The following DACH2 variants were observed in gnomAD, a reference collection of about 807,000 sequenced individuals.
DACH2 encodes dachshund family transcription factor 2.
Under a neutral mutation model 35.8 loss-of-function variants are expected in DACH2, and 17 were observed. That is an observed-to-expected ratio of 0.48 (90% confidence interval 0.33 to 0.71). DACH2 has a LOEUF of 0.71. DACH2 is among the 30% of genes least tolerant of loss of function. The probability of loss-of-function intolerance (pLI) is 0.02; values close to 1 mark genes in which losing one functional copy is unlikely to be tolerated. For synonymous variants in DACH2, 195 were observed against 177.3 expected (o/e 1.10, Z -0.79); for missense variants, 469 against 472.7 (o/e 0.99, Z 0.07).
intron 7 of DACH2, among the ~76,000 whole-genome samples, chrX:86,794,296 T>C (rs1350176198): frequency 2.7e-5 from 3 of 110,671 alleles, no homozygotes; most frequent in East Asian, 2.9e-4. Flanking sequence ...AATGGGAATG[T>C]CAGTATTATT....
chrX:86,385,555 A>T (rs1208192362), intron 2 of DACH2, among the ~76,000 whole-genome samples: 1 of 112,048 alleles, frequency 8.9e-6, no homozygotes, highest in East Asian at 2.8e-4. Flanking sequence ...GAATTAGAGC[A>T]TATAGAAGGA....
chrX:86,729,261 G>A (rs1371865766), intron 6 of DACH2, among the ~76,000 whole-genome samples: 2 of 112,224 alleles, frequency 1.8e-5, no homozygotes, highest in Admixed American at 9.4e-5. Context: ...CTGCCCTGCA[G>A]GGTTTTGAAC....
At chrX:86,367,892 A>G (rs1166040222) in intron 1 of DACH2, among the ~76,000 whole-genome samples, 3 of 111,503 alleles carry the variant, frequency 2.7e-5, no homozygotes, top group African/African-American at 6.5e-5. Flanking sequence ...TTGGCTTTAG[A>G]CTTTCTGTTG....
chrX:86,232,909 C>G (rs1170291617), intron 1 of DACH2, among the ~76,000 whole-genome samples: 3 of 112,001 alleles, frequency 2.7e-5, no homozygotes, highest in Non-Finnish European at 5.6e-5. Flanking sequence ...CATTGCAGAA[C>G]TTTTTACGAT....
intron 4 of DACH2, among the ~76,000 whole-genome samples, chrX:86,686,059 C>G (rs1385489756): frequency 1.8e-5 from 2 of 111,531 alleles, no homozygotes; most frequent in East Asian, 5.6e-4. Flanking sequence ...TAAGAAAATG[C>G]TATCACTGTC....
intron 3 of DACH2, among the ~76,000 whole-genome samples, chrX:86,537,327 C>T (rs1402196981): frequency 9.0e-6 from 1 of 111,468 alleles, no homozygotes; most frequent in Non-Finnish European, 1.9e-5. Context: ...GACATATTTC[C>T]TTCCTCCAGG....
intron 1 of DACH2, among the ~76,000 whole-genome samples, chrX:86,288,121 G>T (rs1308181219): frequency 3.6e-5 from 4 of 112,522 alleles, no homozygotes. Context: ...AGTTAGCTCT[G>T]TGACTCTTGC....
At chrX:86,740,384 G>C (rs904137464) in intron 7 of DACH2, among the ~76,000 whole-genome samples, 9 of 107,112 alleles carry the variant, frequency 8.4e-5, no homozygotes, top group African/African-American at 3.1e-4. Flanking sequence ...TTAAGTTTTA[G>C]GGTACATGTG....
At chrX:86,341,691 C>T (rs184409321) in intron 1 of DACH2, among the ~76,000 whole-genome samples, 12 of 112,326 alleles carry the variant, frequency 1.1e-4, no homozygotes, top group Non-Finnish European at 1.7e-4. Context: ...GGAAAAGATT[C>T]ACCATTCTAG....
intron 1 of DACH2, among the ~76,000 whole-genome samples, chrX:86,278,171 A>G: frequency 8.9e-6 from 1 of 112,104 alleles, no homozygotes; most frequent in Non-Finnish European, 1.9e-5. Context: ...TCTGAGAAGT[A>G]TGCTCAGCAA....
At chrX:86,574,717 C>T (rs772681411) in intron 3 of DACH2, among the ~76,000 whole-genome samples, 11 of 111,513 alleles carry the variant, frequency 9.9e-5, no homozygotes, top group African/African-American at 3.6e-4. Context: ...ATAGGAGTTT[C>T]AAAGCAAGTT....
intron 2 of DACH2, among the ~76,000 whole-genome samples, chrX:86,379,127 T>C (rs898041532): frequency 9.0e-6 from 1 of 111,334 alleles, no homozygotes; most frequent in African/African-American, 3.2e-5. Flanking sequence ...GTGTATAACA[T>C]GTGTTGTTTT....
At chrX:86,419,538 C>A (rs1252080962) in intron 2 of DACH2, among the ~76,000 whole-genome samples, 1 of 111,363 alleles carries the variant, frequency 9.0e-6, no homozygotes, top group African/African-American at 3.3e-5. Context: ...CAGTAAAGAC[C>A]CACCCTCATA....
At chrX:86,317,120 A>G (rs775142125) in intron 1 of DACH2, among the ~76,000 whole-genome samples, 2 of 106,454 alleles carry the variant, frequency 1.9e-5, no homozygotes, top group African/African-American at 7.2e-5. Flanking sequence ...CCATCTCAAA[A>G]AAAAAAAAAA....
chrX:86,263,020 A>G (rs1188801469), intron 1 of DACH2: 2 of 749,034 alleles, frequency 2.7e-6, no homozygotes, highest in African/African-American at 4.6e-5. Flanking sequence ...AGGTAAGTAC[A>G]TTTTAATTCT....
In DACH2 at chrX:86,148,907, A is replaced by T. The variant is rs766864589; in HGVS notation, c.287A>T (p.Asp96Val). Residue 96 changes from aspartate (D) to valine (V), a missense_variant, in exon 1 of 12, where the codon GAT (aspartate) becomes GTT (valine). Asp to Val is a radical substitution (Grantham distance 152). Transcript: ENST00000373125. ...CTGATCTGCCTGCCGCAAGTCTTTG[A>T]TCTTTTTCTCAAGCACCTGGTGGGA... Reference protein sequence around the residue: ...QELICLPQVFDLFLKHLVGGL... With the variant: ...QELICLPQVFVLFLKHLVGGL... 6 of 1,208,690 alleles carry T rather than the reference A, an allele frequency of 5.0e-6. No individual in the cohort carries two copies.
At chrX:86,263,080 A>T (rs147137293) in intron 1 of DACH2, 14,284 of 553,417 alleles carry the variant, frequency 0.026, 172 homozygotes, top group Non-Finnish European at 0.03. Context: ...CATCATAATA[A>T]TAGACCAGCT....
At chrX:86,485,740 A>G (rs2038010050) in intron 2 of DACH2, among the ~76,000 whole-genome samples, 1 of 111,639 alleles carries the variant, frequency 9.0e-6, no homozygotes, top group Non-Finnish European at 1.9e-5. Context: ...ACTCTTGATC[A>G]GTAATGAATT....
chrX:86,446,941 T>A (rs1457019004), intron 2 of DACH2, among the ~76,000 whole-genome samples: 1 of 87,610 alleles, frequency 1.1e-5, no homozygotes, highest in Non-Finnish European at 2.3e-5. Context: ...TTTCTCCGCA[T>A]CCTCTCCAGC....
Sources: gnomAD v4.1 joint callset for allele counts (sites outside exome capture counted in the v4.1 genomes callset) on GRCh38, gnomAD v4.1.1 for gene constraint, MANE v1.5 for transcripts, NCBI Gene and HGNC (gene_info 2026-07-23, HGNC 2026-07-21) for gene names.